Variants in STK40 observed in about 807,000 individuals in gnomAD.
The protein encoded by STK40 is serine/threonine kinase 40.
STK40 carries 13 observed loss-of-function variants against 47.9 expected under a neutral mutation model. The observed-to-expected ratio is 0.27, with a 90% CI of 0.18 to 0.43. The LOEUF (loss-of-function observed/expected upper bound fraction) is 0.43. Ranked by LOEUF, STK40 falls within the 20% of genes least tolerant of loss-of-function variation. The probability of loss-of-function intolerance (pLI) is 1.00; values close to 1 mark genes in which losing one functional copy is unlikely to be tolerated. For synonymous variants in STK40, 225 were observed against 243.2 expected (o/e 0.93, Z 0.69); for missense variants, 460 against 595.1 (o/e 0.77, Z 2.36).
At position 36,360,787 on chromosome 1, in the gene STK40, C is replaced by G. The variant is rs61461110; in HGVS notation, c.112+434G>C. On this transcript the variant is annotated intron_variant, in intron 2 of 10. Coordinates refer to ENST00000373132, the MANE Select transcript of STK40 (RefSeq NM_001282547.2). ...TGAACTCTTAGCCACAAGTGATCCT[C>G]TCACCTCAGCCTCGAAAAGTGCTGG... Among the ~76,000 whole-genome samples the G allele has an allele frequency of 5.9e-3, 896 of 152,298 alleles. 9 individuals carry two copies. The highest frequency in any genetic ancestry group is 0.021 in the African/African-American group (862 of 41,554).
chr1:36,384,664 C>G (rs1272441395), intron 1 of STK40, among the ~76,000 whole-genome samples: 1 of 152,192 alleles, frequency 6.6e-6, no homozygotes, highest in Non-Finnish European at 1.5e-5. Context: ...GCACTTGCCT[C>G]TAGGCAAGGA....
chr1:36,384,479 T>A (rs1647068407), intron 1 of STK40, among the ~76,000 whole-genome samples: 1 of 152,234 alleles, frequency 6.6e-6, no homozygotes, highest in Non-Finnish European at 1.5e-5. Flanking sequence ...CATGTTAACT[T>A]TTTACTCTTC....
intron 2 of STK40, among the ~76,000 whole-genome samples, chr1:36,360,528 T>G (rs1374706818): frequency 6.6e-6 from 1 of 151,706 alleles, no homozygotes; most frequent in Non-Finnish European, 1.5e-5. Context: ...TTATTTTATT[T>G]TATTTTATTT....
intron 1 of STK40, among the ~76,000 whole-genome samples, chr1:36,376,502 A>G (rs1646993279): frequency 6.6e-6 from 1 of 152,250 alleles, no homozygotes; most frequent in African/African-American, 2.4e-5. Context: ...GCTCAACAAA[A>G]GTCCCTATAG....
At chr1:36,347,647 T>C (rs1646715625) in intron 7 of STK40, among the ~76,000 whole-genome samples, 1 of 147,538 alleles carries the variant, frequency 6.8e-6, no homozygotes, top group Non-Finnish European at 1.5e-5. Flanking sequence ...CTTTATGAGT[T>C]TTTTTTTTTC....
intron 6 of STK40, among the ~76,000 whole-genome samples, chr1:36,353,916 T>C (rs1446041626): frequency 1.3e-5 from 2 of 152,130 alleles, no homozygotes; most frequent in African/African-American, 4.8e-5. Flanking sequence ...TTCACCCCAT[T>C]TGTCCATTCA....
At chr1:36,373,212 C>T (rs547306762) in intron 1 of STK40, among the ~76,000 whole-genome samples, 5 of 152,272 alleles carry the variant, frequency 3.3e-5, no homozygotes, top group African/African-American at 1.2e-4. Flanking sequence ...CTGTGGCTGG[C>T]GGTGTCACCA....
chr1:36,363,603 G>A (rs1391320482), intron 1 of STK40, among the ~76,000 whole-genome samples: 1 of 149,948 alleles, frequency 6.7e-6, no homozygotes, highest in Non-Finnish European at 1.5e-5. Flanking sequence ...TCAGGAGAGC[G>A]AGACCATCCT....
intron 7 of STK40, among the ~76,000 whole-genome samples, chr1:36,345,991 A>ATATATATATATATATTT: frequency 3.8e-5 from 1 of 26,464 alleles, no homozygotes; most frequent in African/African-American, 1.4e-4. Flanking sequence ...ATATATATAT[A>ATATATATATATATATTT]TTTTTTTTTT....
chr1:36,343,767 G>A lies in STK40; in HGVS notation c.1004+93C>T. 2.7e-6 allele frequency: 4 copies of A among 1,490,252 alleles called. No homozygotes were observed. The South Asian group carries it at 5.5e-5, about 20-fold the overall frequency. 92.3% of individuals were successfully genotyped at this position (1,490,252 alleles called of 1,614,324 possible). On this transcript the variant is annotated intron_variant, in intron 9 of 10. Coordinates refer to ENST00000373132, the MANE Select transcript of STK40 (RefSeq NM_001282547.2). ...TGGAAATCTGACTCTAACTGGCAGA[G>A]AAGCAGGCTGACTACTGGCTGCTTT...
chr1:36,364,159 A>AAAC (rs141825657), intron 1 of STK40, among the ~76,000 whole-genome samples: 2,376 of 152,276 alleles, frequency 0.016, 35 homozygotes, highest in Admixed American at 0.025. Flanking sequence ...TCAAAAGAAA[A>AAAC]AACAACAACA....
intron 10 of STK40, 180 bp downstream of exon 10, chr1:36,343,184 C>T: frequency 2.7e-6 from 2 of 751,980 alleles, no homozygotes; most frequent in Non-Finnish European, 4.8e-6. Context: ...AAGCCCAAGG[C>T]AGGCCCCAGG....
chr1:36,358,183 C>T, intron 4 of STK40, 56 bp downstream of exon 4: 3 of 1,485,140 alleles, frequency 2.0e-6, no homozygotes, highest in South Asian at 1.4e-5. Context: ...CAGCAAGTGG[C>T]AGCCCACAGA....
intron 1 of STK40, among the ~76,000 whole-genome samples, chr1:36,371,347 G>T (rs1385251560): frequency 6.6e-6 from 1 of 151,236 alleles, no homozygotes; most frequent in East Asian, 2.0e-4. Flanking sequence ...GAGGTCAGGA[G>T]ATCGAGACCA....
intron 1 of STK40, among the ~76,000 whole-genome samples, chr1:36,369,471 A>T (rs1438273498): frequency 6.6e-6 from 1 of 152,142 alleles, no homozygotes; most frequent in African/African-American, 2.4e-5. Context: ...ATACTTCTCC[A>T]GCCTCACTGC....
chr1:36,358,769 T>C lies in STK40; in HGVS notation c.166A>G (p.Lys56Glu), dbSNP rs139903300. The C allele has an allele frequency of 2.5e-5, 41 of 1,614,060 alleles. No homozygotes were observed. The highest frequency in any genetic ancestry group is 1.2e-4 in the African/African-American group (9 of 74,906). ...TGATAGAAGTCATCCGTGCCATCTT[T>C]CCTCGCCAAACACTGCACTATGCTT... ...VPSIVQCLAR[K>E]DGTDDFYQLK... Residue 56 changes from lysine (K) to glutamate (E), a missense_variant, in exon 3 of 11, where the codon AAA (lysine) becomes GAA (glutamate). Transcript: ENST00000373132.
intron 1 of STK40, among the ~76,000 whole-genome samples, chr1:36,364,442 T>C (rs980073907): frequency 3.7e-4 from 57 of 152,232 alleles, no homozygotes; most frequent in African/African-American, 1.2e-3. Flanking sequence ...ACAAAAAGCA[T>C]AGCATTTTAA....
chr1:36,342,283 C>T (rs1217937411), intron 10 of STK40: 3 of 392,192 alleles, frequency 7.6e-6, no homozygotes, highest in African/African-American at 6.1e-5. Flanking sequence ...TGGCCCCTCG[C>T]AAAGGTTCTC....
chr1:36,354,943 G>A (rs1047021574), intron 5 of STK40, among the ~76,000 whole-genome samples: 10 of 152,290 alleles, frequency 6.6e-5, no homozygotes, highest in South Asian at 4.1e-4. Flanking sequence ...GTGGACACCA[G>A]GCCTCTTAAC....
Sources: allele counts gnomAD v4.1 joint callset (sites outside exome capture counted in the v4.1 genomes callset), GRCh38; gene constraint gnomAD v4.1.1; transcripts MANE v1.5; gene names NCBI Gene and HGNC (gene_info 2026-07-23, HGNC 2026-07-21).